The following ZNF550 variants were observed in gnomAD, a reference collection of about 807,000 sequenced individuals.
The protein encoded by ZNF550 is zinc finger protein 550.
A neutral mutation model predicts 40.2 loss-of-function variants in ZNF550; 42 were observed. That is an observed-to-expected ratio of 1.05 (90% CI 0.82 to 1.35). ZNF550 has a LOEUF of 1.35. ZNF550 is among the 40% of genes most tolerant of loss of function. ZNF550 has a pLI of 0.00. For synonymous variants in ZNF550, 223 were observed against 198.6 expected, an observed-to-expected ratio of 1.12 and a Z score of -1.03; for missense variants, 549 against 525.2, an observed-to-expected ratio of 1.05 and a Z score of -0.44.
intron 2 of ZNF550, 128 bp from the exon 3 acceptor site, chr19:57,552,850 G>A: frequency 1.5e-6 from 1 of 645,912 alleles, no homozygotes; most frequent in Admixed American, 2.5e-5. Flanking sequence ...GCAAAATGCT[G>A]ATGTGAGCCC....
At chr19:57,547,977 A>T in exon 4 of ZNF550, 1 of 1,613,352 alleles carries the variant, frequency 6.2e-7, no homozygotes, top group Non-Finnish European at 8.5e-7. Flanking sequence ...CTCTGGTATG[A>T]ACTTGTGCTC....
intron 1 of ZNF550, chr19:57,557,646 C>T (rs946634205): frequency 6.6e-6 from 1 of 152,192 alleles, no homozygotes; most frequent in Non-Finnish European, 1.5e-5. Flanking sequence ...TTCTCAGTCT[C>T]TCATCTCCAC....
chr19:57,547,276 G>T (rs770254636), exon 4 of ZNF550: 1 of 1,614,090 alleles, frequency 6.2e-7, no homozygotes, highest in South Asian at 1.1e-5. Flanking sequence ...ATTGCTAAAG[G>T]CTTTCTCACA....
chr19:57,547,637 A>G (rs766354535), exon 4 of ZNF550: 1 of 1,614,194 alleles, frequency 6.2e-7, no homozygotes, highest in Non-Finnish European at 8.5e-7. Context: ...TTGCATTTGT[A>G]GGGGTTTGTC....
At chr19:57,549,889 G>A (rs1197681430) in intron 3 of ZNF550, among the ~76,000 whole-genome samples, 1 of 152,194 alleles carries the variant, frequency 6.6e-6, no homozygotes, top group Non-Finnish European at 1.5e-5. Context: ...AATCCTGCCT[G>A]TGTCAAGTGG....
intron 2 of ZNF550, chr19:57,555,658 A>G (rs1315414417): frequency 6.3e-6 from 1 of 157,968 alleles, no homozygotes; most frequent in African/African-American, 2.4e-5. Context: ...TATGACAAGA[A>G]TTAGCGTGCT....
At chr19:57,555,776 T>C in intron 2 of ZNF550, 1 of 215,204 alleles carries the variant, frequency 4.6e-6, no homozygotes, top group South Asian at 6.6e-5. Flanking sequence ...AGAGCATGGA[T>C]ATCAAGCATC....
chr19:57,557,490 C>T (rs2090132976), intron 1 of ZNF550: 1 of 152,112 alleles, frequency 6.6e-6, no homozygotes. Flanking sequence ...CTGCCACATC[C>T]CCCTCATGGA....
chr19:57,547,478 C>T (rs1241454735), exon 4 of ZNF550: 3 of 1,614,160 alleles, frequency 1.9e-6, no homozygotes, highest in African/African-American at 1.3e-5. Flanking sequence ...TATGGTTTCT[C>T]CCCGGTGTGG....
chr19:57,556,908 G>C (rs1182030342), intron 1 of ZNF550: 1 of 153,724 alleles, frequency 6.5e-6, no homozygotes, highest in African/African-American at 2.4e-5. Context: ...GGCTGTGCAG[G>C]ATGTGCCTTG....
chr19:57,556,250 A>C (rs1197904019), exon 2 of ZNF550: 1 of 1,613,998 alleles, frequency 6.2e-7, no homozygotes, highest in Non-Finnish European at 8.5e-7. Flanking sequence ...CCAGAAGCCC[A>C]CAGGTCTCCA....
intron 1 of ZNF550, among the ~76,000 whole-genome samples, chr19:57,558,438 A>G (rs552260359): frequency 1.3e-5 from 2 of 152,306 alleles, no homozygotes; most frequent in African/African-American, 4.8e-5. Context: ...GAGTCCCTAT[A>G]AGAGAGGCCT....
exon 4 of ZNF550, chr19:57,547,839 C>G: frequency 6.2e-7 from 1 of 1,614,118 alleles, no homozygotes; most frequent in Non-Finnish European, 8.5e-7. Flanking sequence ...TACCTTTCTG[C>G]ATTTCCAAAA....
chr19:57,556,090 A>G, intron 2 of ZNF550, 141 bp downstream of exon 2: 1 of 1,092,078 alleles, frequency 9.2e-7, no homozygotes. Context: ...ACAATCTCTG[A>G]TGCAGACAAA....
At chr19:57,547,795 G>A in exon 4 of ZNF550, 4 of 1,614,062 alleles carry the variant, frequency 2.5e-6, no homozygotes, top group South Asian at 1.1e-5. Flanking sequence ...CCCAAGATGG[G>A]TCTCCTTGTG....
chr19:57,543,090 T>G (rs138964891), exon 5 of ZNF550: 10 of 261,828 alleles, frequency 3.8e-5, no homozygotes, highest in Non-Finnish European at 4.7e-5. Context: ...TTCTGATCAC[T>G]CTGTTGTTCA....
At chr19:57,550,787 A>AT (rs1160054590) in intron 3 of ZNF550, among the ~76,000 whole-genome samples, 1 of 152,120 alleles carries the variant, frequency 6.6e-6, no homozygotes, top group African/African-American at 2.4e-5. Flanking sequence ...TATACATAAG[A>AT]TTTTTTTTAG....
Position 57,547,485 on chromosome 19 carries a change from G to A in ZNF550, c.759C>T (p.His253=), listed in dbSNP as rs79986798. ...GGCACTTGTATGGTTTCTCCCCGGT[G>A]TGGATGAGGTAGTGCCGAATGAGAG... The change falls in exon 4 of 5, where the codon CAC becomes CAT. Residue 253 remains histidine (H), a synonymous_variant. Coordinates refer to ENST00000457177, the Ensembl canonical transcript of ZNF550. 6.2e-4 allele frequency: 997 copies of A among 1,614,198 alleles called. 10 individuals carry two copies. The African/African-American group carries it at 0.011, about 18-fold the overall frequency.
intron 3 of ZNF550, among the ~76,000 whole-genome samples, chr19:57,549,756 A>C (rs879645251): frequency 6.6e-6 from 1 of 152,240 alleles, no homozygotes; most frequent in South Asian, 2.1e-4. Context: ...AAGGGATGGA[A>C]GTACACACAG....
Sources: allele counts gnomAD v4.1 joint callset (sites outside exome capture counted in the v4.1 genomes callset), GRCh38; gene constraint gnomAD v4.1.1; transcripts MANE v1.5; gene names NCBI Gene and HGNC (gene_info 2026-07-23, HGNC 2026-07-21).